CLSTN2: variants seen among roughly 807,000 people sequenced by gnomAD.
CLSTN2 encodes the protein calsyntenin 2, also known as calsyntenin-2.
Under a neutral mutation model 101.2 loss-of-function variants are expected in CLSTN2, and 48 were observed. The observed-to-expected ratio is 0.47, with a 90% CI of 0.38 to 0.60. The LOEUF (loss-of-function observed/expected upper bound fraction) is 0.60, where lower values mean the gene tolerates loss of function less well. Ranked by LOEUF, CLSTN2 falls within the 20% of genes least tolerant of loss-of-function variation. CLSTN2 has a pLI of 0.00. For synonymous variants in CLSTN2, 481 were observed against 463.6 expected (o/e 1.04, Z -0.48); for missense variants, 1,160 against 1,238.2 (o/e 0.94, Z 0.95).
chr3:139,963,884 G>C (rs940682676), intron 1 of CLSTN2, among the ~76,000 whole-genome samples: 1 of 152,196 alleles, frequency 6.6e-6, no homozygotes, highest in Non-Finnish European at 1.5e-5. Context: ...CACATAGTAG[G>C]AGCATAGCCT....
intron 1 of CLSTN2, among the ~76,000 whole-genome samples, chr3:140,152,016 G>A (rs2009875109): frequency 6.6e-6 from 1 of 152,106 alleles, no homozygotes. Context: ...CCCAGCTCTG[G>A]CCCAGCCCCT....
At chr3:140,239,319 T>A (rs1414426179) in intron 2 of CLSTN2, among the ~76,000 whole-genome samples, 1 of 152,200 alleles carries the variant, frequency 6.6e-6, no homozygotes, top group African/African-American at 2.4e-5. Context: ...ACTACATATG[T>A]GAGCTCAATT....
At chr3:140,047,768 T>A (rs1461322186) in intron 1 of CLSTN2, among the ~76,000 whole-genome samples, 1 of 152,172 alleles carries the variant, frequency 6.6e-6, no homozygotes, top group Non-Finnish European at 1.5e-5. Flanking sequence ...CCACTCCTGT[T>A]CCCACCATAA....
chr3:140,209,629 A>G (rs1285613479), intron 2 of CLSTN2, among the ~76,000 whole-genome samples: 1 of 150,634 alleles, frequency 6.6e-6, no homozygotes, highest in Non-Finnish European at 1.5e-5. Context: ...GAAGCCCAGC[A>G]CTGTCCGTAC....
At chr3:140,136,704 C>T (rs1218714496) in intron 1 of CLSTN2, among the ~76,000 whole-genome samples, 3 of 152,312 alleles carry the variant, frequency 2.0e-5, no homozygotes, top group Middle Eastern at 3.4e-3. Flanking sequence ...GATGGTGACT[C>T]TCAATTGCCT....
At chr3:140,326,742 G>C (rs2087335337) in intron 2 of CLSTN2, among the ~76,000 whole-genome samples, 1 of 152,110 alleles carries the variant, frequency 6.6e-6, no homozygotes, top group African/African-American at 2.4e-5. Context: ...AAAAGCTTAG[G>C]GTCGGACTGT....
At chr3:140,548,604 T>C (rs1390634644) in intron 10 of CLSTN2, among the ~76,000 whole-genome samples, 1 of 151,960 alleles carries the variant, frequency 6.6e-6, no homozygotes, top group Admixed American at 6.6e-5. Context: ...AAGAGGGAAG[T>C]CATTCCAGGC....
At chr3:140,530,596 A>C (rs150058688) in intron 8 of CLSTN2, among the ~76,000 whole-genome samples, 301 of 152,348 alleles carry the variant, frequency 2.0e-3, no homozygotes, top group African/African-American at 6.8e-3. Flanking sequence ...AAATGAAATA[A>C]TGCCAGAGGA....
intron 1 of CLSTN2, among the ~76,000 whole-genome samples, chr3:140,113,065 G>A (rs908937334): frequency 6.6e-6 from 1 of 152,114 alleles, no homozygotes; most frequent in African/African-American, 2.4e-5. Flanking sequence ...GGAACCAATT[G>A]TTAAATACTC....
chr3:139,950,657 C>T (rs965601036), intron 1 of CLSTN2, among the ~76,000 whole-genome samples: 18 of 152,080 alleles, frequency 1.2e-4, no homozygotes, highest in Non-Finnish European at 2.4e-4. Flanking sequence ...TGTAGTGCCC[C>T]CATTATTATT....
chr3:140,518,300 T>A (rs1224884501), intron 8 of CLSTN2, among the ~76,000 whole-genome samples: 1 of 152,210 alleles, frequency 6.6e-6, no homozygotes, highest in Non-Finnish European at 1.5e-5. Flanking sequence ...GTGTCTGCAC[T>A]CCTGATTCAC....
At chr3:140,249,514 G>C (rs1348934077) in intron 2 of CLSTN2, among the ~76,000 whole-genome samples, 1 of 152,182 alleles carries the variant, frequency 6.6e-6, no homozygotes, top group Non-Finnish European at 1.5e-5. Flanking sequence ...ACCTAAGCTA[G>C]GGGCATAGCA....
chr3:140,352,921 G>A (rs1057444302), intron 2 of CLSTN2, among the ~76,000 whole-genome samples: 1 of 152,054 alleles, frequency 6.6e-6, no homozygotes, highest in Admixed American at 6.6e-5. Flanking sequence ...CTCAACTGTG[G>A]ATTTAACCAA....
intron 9 of CLSTN2, among the ~76,000 whole-genome samples, chr3:140,535,988 A>G (rs1179918722): frequency 1.5e-5 from 2 of 136,770 alleles, no homozygotes; most frequent in Admixed American, 9.5e-5. Flanking sequence ...TTAAAAACAC[A>G]CAAGAATGCT....
At chr3:140,107,564 A>G (rs1454404329) in intron 1 of CLSTN2, among the ~76,000 whole-genome samples, 1 of 152,142 alleles carries the variant, frequency 6.6e-6, no homozygotes, top group Non-Finnish European at 1.5e-5. Context: ...TTGTCTCTTG[A>G]GGGGAATATT....
At chr3:140,134,869 C>A (rs565814033) in intron 1 of CLSTN2, among the ~76,000 whole-genome samples, 1 of 151,790 alleles carries the variant, frequency 6.6e-6, no homozygotes, top group East Asian at 1.9e-4. Flanking sequence ...ATGCAACTAC[C>A]CCCTAAATGA....
intron 1 of CLSTN2, among the ~76,000 whole-genome samples, chr3:139,963,426 C>T (rs749458228): frequency 2.0e-5 from 3 of 152,094 alleles, no homozygotes; most frequent in Non-Finnish European, 4.4e-5. Flanking sequence ...GCCCAATAGA[C>T]TTCCTAATAT....
At chr3:140,098,023 T>C (rs1172887926) in intron 1 of CLSTN2, among the ~76,000 whole-genome samples, 2 of 152,046 alleles carry the variant, frequency 1.3e-5, no homozygotes, top group African/African-American at 2.4e-5. Flanking sequence ...GAAAACAGCA[T>C]TGGGGAGATA....
chr3:140,292,939 A>T (rs2086968960), intron 2 of CLSTN2, among the ~76,000 whole-genome samples: 1 of 152,222 alleles, frequency 6.6e-6, no homozygotes, highest in African/African-American at 2.4e-5. Context: ...GTTTGCCTGG[A>T]GTCACCCTGG....
Sources: allele counts gnomAD v4.1 joint callset (sites outside exome capture counted in the v4.1 genomes callset), GRCh38; gene constraint gnomAD v4.1.1; transcripts MANE v1.5; gene names NCBI Gene and HGNC (gene_info 2026-07-23, HGNC 2026-07-21).